Variants in PCGF6 observed in about 807,000 individuals in gnomAD.
PCGF6 encodes the protein polycomb group RING finger protein 6.
A neutral mutation model predicts 45.5 loss-of-function variants in PCGF6; 24 were observed. The observed-to-expected ratio is 0.53, with a 90% CI of 0.38 to 0.74. The LOEUF (loss-of-function observed/expected upper bound fraction) is 0.74, where lower values mean the gene tolerates loss of function less well. PCGF6 is among the 30% of genes least tolerant of loss of function. The probability of loss-of-function intolerance (pLI) is 0.00; values close to 1 mark genes in which losing one functional copy is unlikely to be tolerated. For missense variants in PCGF6, 356 were observed against 443.2 expected (o/e 0.80, Z 1.77); for synonymous variants, 152 against 162.1 (o/e 0.94, Z 0.47).
chr10:103,336,426 A>T (rs984952094), intron 6 of PCGF6, among the ~76,000 whole-genome samples: 1 of 152,118 alleles, frequency 6.6e-6, no homozygotes, highest in Non-Finnish European at 1.5e-5. Context: ...ATGTTAAATT[A>T]TATTATCTTA....
chr10:103,343,057 T>C (rs564581491), intron 6 of PCGF6, among the ~76,000 whole-genome samples: 2 of 151,954 alleles, frequency 1.3e-5, no homozygotes, highest in Non-Finnish European at 2.9e-5. Context: ...GCCTCCCGAG[T>C]AGCTGGGACT....
In PCGF6 at chr10:103,330,136, G is replaced by A. The variant is rs532388669; in HGVS notation, c.811-3504C>T. On this transcript the variant is annotated intron_variant, in intron 7 of 9. Transcript: ENST00000369847. Reference sequence around the variant, plus strand: ...TTAGCCCAGGCTGGAATGCAGTGGCGCAATCTCGGCTCACTGCAGCCTCTG... The same window carrying A: ...TTAGCCCAGGCTGGAATGCAGTGGCACAATCTCGGCTCACTGCAGCCTCTG... Among the ~76,000 whole-genome samples, 10 of 150,526 alleles carry A rather than the reference G, an allele frequency of 6.6e-5. No individual in the cohort carries two copies. In the South Asian group the frequency reaches 1.1e-3, roughly 16 times the overall value.
intron 6 of PCGF6, among the ~76,000 whole-genome samples, chr10:103,339,560 G>A (rs1438209874): frequency 6.6e-6 from 1 of 151,646 alleles, no homozygotes; most frequent in Non-Finnish European, 1.5e-5. Context: ...GGAGGCCAAG[G>A]CAGGTGGATC....
intron 8 of PCGF6, among the ~76,000 whole-genome samples, chr10:103,323,901 T>A (rs1592062734): frequency 1.3e-5 from 2 of 152,080 alleles, no homozygotes; most frequent in South Asian, 4.2e-4. Flanking sequence ...TGTTTTAACA[T>A]ATCTATTAAT....
intron 9 of PCGF6, among the ~76,000 whole-genome samples, chr10:103,308,893 TA>T (rs1322539103): frequency 6.6e-6 from 1 of 151,792 alleles, no homozygotes; most frequent in African/African-American, 2.4e-5. Flanking sequence ...AATAAATAAA[TA>T]AAAATAAAAA....
intron 9 of PCGF6, among the ~76,000 whole-genome samples, chr10:103,306,763 T>C (rs1387464053): frequency 6.6e-6 from 1 of 152,202 alleles, no homozygotes; most frequent in Non-Finnish European, 1.5e-5. Flanking sequence ...ATAGGGAATG[T>C]TGAAGACCAG....
intron 9 of PCGF6, chr10:103,312,576 G>T (rs1326745090): frequency 6.5e-6 from 1 of 153,100 alleles, no homozygotes; most frequent in Non-Finnish European, 1.5e-5. Flanking sequence ...TTTTCCCCAA[G>T]AATTATATTT....
In PCGF6 at chr10:103,345,055, G is replaced by A. The variant is rs756417949; in HGVS notation, c.751C>T (p.Leu251Phe). 6.2e-7 allele frequency: 1 copy of A among 1,611,704 alleles called. No homozygotes were observed. Among genetic ancestry groups the A allele is most frequent in the Non-Finnish European group, 8.5e-7 (1 of 1,178,368 alleles). ...AACTCCAGTAATAAAGACATATCAAGTTCAGGTGGAATACGAAACACTGAT... is the reference window on the plus strand; with the variant it reads ...AACTCCAGTAATAAAGACATATCAAATTCAGGTGGAATACGAAACACTGAT... ...LESVFRIPPE[L>F]DMSLLLEFIG... The change falls in exon 6 of 10, where the codon CTT becomes TTT. Residue 251 changes from leucine to phenylalanine, a missense_variant. This residue lies in a region of PCGF6 where 307 missense variants were observed against 350.1 expected (regional missense o/e 0.88). Coordinates refer to ENST00000369847, the MANE Select transcript of PCGF6 (RefSeq NM_001011663.2).
intron 9 of PCGF6, among the ~76,000 whole-genome samples, chr10:103,304,537 T>C (rs112940311): frequency 0.46 from 69,219 of 151,912 alleles, 15,929 homozygotes; most frequent in South Asian, 0.64. Flanking sequence ...GACAGGGTTT[T>C]GCCATGTTGG....
chr10:103,333,061 G>C (rs892294076), intron 7 of PCGF6, among the ~76,000 whole-genome samples: 1 of 150,220 alleles, frequency 6.7e-6, no homozygotes, highest in Non-Finnish European at 1.5e-5. Flanking sequence ...GGAAGTTGCA[G>C]TGAGCCAAGA....
rs752120464 is a variant in PCGF6 at position 103,347,495 on chromosome 10, T to C, written c.558-45A>G. 2.7e-6 allele frequency: 4 copies of C among 1,486,212 alleles called. No homozygotes were observed. The Admixed American group carries it at 5.5e-5, about 20-fold the overall frequency. The allele number at this position is 1,486,212 out of a possible 1,614,324, so 92.1% of individuals were successfully genotyped here. On this transcript the variant is annotated intron_variant, in intron 3 of 9. Transcript: ENST00000369847. ...GAGAATACCTCAGAATTCAGAAAAATGCATTTTGGTACAGAGTGAGTTAAT... is the reference window on the plus strand; with the variant it reads ...GAGAATACCTCAGAATTCAGAAAAACGCATTTTGGTACAGAGTGAGTTAAT...
chr10:103,335,335 T>C (rs907958774), intron 6 of PCGF6, among the ~76,000 whole-genome samples: 4 of 151,240 alleles, frequency 2.6e-5, no homozygotes, highest in African/African-American at 9.7e-5. Flanking sequence ...ATTACAGGTG[T>C]GAGCCACCAC....
intron 9 of PCGF6, among the ~76,000 whole-genome samples, chr10:103,308,007 G>A (rs1402767941): frequency 1.3e-5 from 2 of 152,078 alleles, no homozygotes; most frequent in African/African-American, 2.4e-5. Context: ...AGGCTGAGGC[G>A]AGCAGATCAC....
intron 9 of PCGF6, among the ~76,000 whole-genome samples, chr10:103,310,003 G>A (rs1190422170): frequency 6.6e-6 from 1 of 151,236 alleles, no homozygotes; most frequent in East Asian, 1.9e-4. Flanking sequence ...CTAGGCTGGA[G>A]TGCAATGGTG....
intron 9 of PCGF6, among the ~76,000 whole-genome samples, chr10:103,309,571 T>G (rs2093149363): frequency 6.6e-6 from 1 of 152,206 alleles, no homozygotes; most frequent in Non-Finnish European, 1.5e-5. Flanking sequence ...TCTCAGGTAT[T>G]TCTTTATAGC....
rs1242210296 is a variant in PCGF6, at chr10:103,303,740, C to T, written c.*165G>A. On this transcript the variant is annotated 3_prime_UTR_variant, in exon 10 of 10. Transcript: ENST00000369847. ...GTCTCTAGTAACAGATGCATTCCAT[C>T]GTTCCAAGTTGTACTTATAAACGCT... The T allele has an allele frequency of 2.1e-5, 11 of 530,184 alleles. No homozygotes were observed. Among genetic ancestry groups the T allele is most frequent in the African/African-American group, 3.8e-5 (2 of 52,820 alleles). The allele number at this position is 530,184 out of a possible 1,614,324, so 32.8% of individuals were successfully genotyped here. A position where few individuals can be genotyped will look rare whatever the true frequency, so the allele number is the denominator to read the frequency against.
At chr10:103,332,897 C>T (rs573700915) in intron 7 of PCGF6, among the ~76,000 whole-genome samples, 2 of 152,064 alleles carry the variant, frequency 1.3e-5, no homozygotes, top group Admixed American at 1.3e-4. Context: ...GGTGGGTCAC[C>T]GGAGGTCAGG....
At chr10:103,319,123 A>G (rs2093187193) in intron 8 of PCGF6, among the ~76,000 whole-genome samples, 1 of 152,166 alleles carries the variant, frequency 6.6e-6, no homozygotes, top group Non-Finnish European at 1.5e-5. Context: ...GTGCTTTGAT[A>G]AGCCACACTG....
rs757509424 is a variant in PCGF6 at position 103,326,629 on chromosome 10, A to G, written c.814T>C (p.Leu272=). 2.5e-6 allele frequency: 4 copies of G among 1,609,210 alleles called. No individual in the cohort carries two copies. The African/African-American group carries it at 4.0e-5, about 16-fold the overall frequency. ...ANEGTGHFKP[L]EKKFVRVSGE... ...GAAACTCGAACAAACTTCTTTTCCA[A>G]TGGCTACAAAAACAGACAGATAAAA... Residue 272 remains leucine, a synonymous_variant, in exon 8 of 10, where the codon TTG becomes CTG. Coordinates refer to ENST00000369847, the MANE Select transcript of PCGF6 (RefSeq NM_001011663.2).
Sources: gnomAD v4.1 joint callset for allele counts (sites outside exome capture counted in the v4.1 genomes callset) on GRCh38, gnomAD v4.1.1 for gene constraint, gnomAD v4.1.1 regional missense constraint, MANE v1.5 for transcripts, NCBI Gene and HGNC (gene_info 2026-07-23, HGNC 2026-07-21) for gene names.